The following KLF8 variants were observed in gnomAD, a reference collection of about 807,000 sequenced individuals.
KLF8 encodes Krueppel-like factor 8.
In KLF8, 10 loss-of-function variants were observed where a neutral mutation model predicts 18.2. That is an observed-to-expected ratio of 0.55 (90% CI 0.34 to 0.93). The LOEUF is 0.93. Among genes scored for constraint, KLF8 ranks in the 40% least tolerant of loss-of-function variants. KLF8 has a pLI of 0.02. For missense variants in KLF8, 264 were observed against 277.9 expected, an observed-to-expected ratio of 0.95 and a Z score of 0.36; for synonymous variants, 109 against 97.3, an observed-to-expected ratio of 1.12 and a Z score of -0.71.
At chrX:56,077,999 G>C in the KLF8 span, among the ~76,000 whole-genome samples, 2 of 109,853 alleles carry the variant, frequency 1.8e-5, no homozygotes, top group African/African-American at 7.0e-5. Flanking sequence ...TTCGTATCCT[G>C]AGACTTTGCT....
At chrX:56,058,259 CATATATATACATATATATACATATATAT>C in the KLF8 span, among the ~76,000 whole-genome samples, 1 of 17,711 alleles carries the variant, frequency 5.6e-5, no homozygotes, top group Non-Finnish European at 8.5e-5. Flanking sequence ...TATATATACA[CATATATATACATATATATACATATATAT>C]ATATATATAT....
the KLF8 span, among the ~76,000 whole-genome samples, chrX:56,206,347 T>C: frequency 8.0e-5 from 9 of 111,855 alleles, no homozygotes; most frequent in East Asian, 2.5e-3. Flanking sequence ...CAAGGTCTTA[T>C]CTGAGACAAG....
chrX:56,140,050 G>A, the KLF8 span, among the ~76,000 whole-genome samples: 5 of 111,770 alleles, frequency 4.5e-5, no homozygotes, highest in Admixed American at 9.5e-5. Flanking sequence ...TCAAAACCAC[G>A]AATAGATGCC....
the KLF8 span, among the ~76,000 whole-genome samples, chrX:56,086,829 C>T: frequency 9.0e-6 from 1 of 111,050 alleles, no homozygotes; most frequent in East Asian, 2.8e-4. Context: ...TTCAGGCAAT[C>T]AGCACTAAGA....
At chrX:56,149,344 G>T in the KLF8 span, among the ~76,000 whole-genome samples, 11 of 111,557 alleles carry the variant, frequency 9.9e-5, no homozygotes, top group African/African-American at 3.6e-4. Flanking sequence ...AAAGCAGAGG[G>T]TTGACATGTT....
At chrX:56,001,343 A>G in the KLF8 span, among the ~76,000 whole-genome samples, 1 of 112,130 alleles carries the variant, frequency 8.9e-6, no homozygotes, top group South Asian at 3.7e-4. Flanking sequence ...GAATATCTGC[A>G]TCTGCACCCA....
the KLF8 span, among the ~76,000 whole-genome samples, chrX:55,947,885 G>T: frequency 8.9e-6 from 1 of 111,957 alleles, no homozygotes; most frequent in Non-Finnish European, 1.9e-5. Flanking sequence ...ATAGTTTCTA[G>T]AAACATAACT....
chrX:56,040,799 G>C, the KLF8 span, among the ~76,000 whole-genome samples: 1 of 14,757 alleles, frequency 6.8e-5, no homozygotes, highest in African/African-American at 1.0e-4. Context: ...AATGATACCA[G>C]CTTTTTTTTT....
chrX:56,153,029 TG>T, the KLF8 span, among the ~76,000 whole-genome samples: 3 of 112,113 alleles, frequency 2.7e-5, no homozygotes, highest in Non-Finnish European at 5.6e-5. Context: ...AAAGAGCTTT[TG>T]TGTATGTGAC....
the KLF8 span, among the ~76,000 whole-genome samples, chrX:55,971,710 G>GA: frequency 5.5e-5 from 6 of 109,685 alleles, no homozygotes; most frequent in Admixed American, 9.7e-5. Flanking sequence ...AACTCTATAG[G>GA]AAAAAAAATC....
chrX:56,049,663 G>T, the KLF8 span, among the ~76,000 whole-genome samples: 3 of 102,923 alleles, frequency 2.9e-5, no homozygotes, highest in African/African-American at 1.1e-4. Context: ...GCTGGATTCG[G>T]TTTGCCAGTA....
At chrX:56,173,735 G>A in the KLF8 span, among the ~76,000 whole-genome samples, 1 of 111,727 alleles carries the variant, frequency 9.0e-6, no homozygotes, top group Non-Finnish European at 1.9e-5. Flanking sequence ...CCATGAGCAT[G>A]GAATGTTCTT....
At chrX:56,163,223 AT>A in the KLF8 span, among the ~76,000 whole-genome samples, 16 of 109,876 alleles carry the variant, frequency 1.5e-4, no homozygotes, top group South Asian at 3.8e-4. Context: ...GTGTAGAAGC[AT>A]TTTTTTTTCT....
the KLF8 span, among the ~76,000 whole-genome samples, chrX:56,112,795 T>A: frequency 8.9e-6 from 1 of 112,473 alleles, no homozygotes; most frequent in Non-Finnish European, 1.9e-5. Flanking sequence ...AGTGTCAAAA[T>A]TTTTATTTTA....
At chrX:56,118,220 C>A in the KLF8 span, among the ~76,000 whole-genome samples, 1 of 111,249 alleles carries the variant, frequency 9.0e-6, no homozygotes, top group South Asian at 3.8e-4. Context: ...GTTTACCTAC[C>A]CCACAGGGCT....
the KLF8 span, among the ~76,000 whole-genome samples, chrX:55,974,272 C>T: frequency 9.0e-6 from 1 of 111,088 alleles, no homozygotes. Flanking sequence ...ATCACAGTGA[C>T]ATGCTATTTA....
the KLF8 span, chrX:55,961,783 G>A: frequency 2.0e-5 from 6 of 304,965 alleles, no homozygotes; most frequent in East Asian, 4.6e-4. Context: ...TCGTATGGAG[G>A]ACATTTCAAA....
chrX:56,254,801 C>G (rs899204891), intron 2 of KLF8, among the ~76,000 whole-genome samples: 2 of 111,653 alleles, frequency 1.8e-5, no homozygotes, highest in African/African-American at 6.5e-5. Flanking sequence ...TTAGCTGCTT[C>G]TCCTCTTTCT....
At chrX:56,069,635 C>A in the KLF8 span, among the ~76,000 whole-genome samples, 1 of 111,649 alleles carries the variant, frequency 9.0e-6, no homozygotes, top group South Asian at 3.8e-4. Context: ...GGGTGCAGCC[C>A]CCTATTGCCC....
Sources: gnomAD v4.1 joint callset for allele counts (sites outside exome capture counted in the v4.1 genomes callset) on GRCh38, gnomAD v4.1.1 for gene constraint, MANE v1.5 for transcripts, NCBI Gene and HGNC (gene_info 2026-07-23, HGNC 2026-07-21) for gene names.